Variants in SCEL observed in about 807,000 individuals in gnomAD.
SCEL encodes sciellin.
In SCEL, 113 loss-of-function variants were observed where a neutral mutation model predicts 117.6. The ratio of observed to expected loss-of-function variants is 0.96; its 90% CI spans 0.83 to 1.12. The LOEUF (loss-of-function observed/expected upper bound fraction) is 1.12, where lower values mean the gene tolerates loss of function less well. Ranked by LOEUF, SCEL falls within the 50% of genes most tolerant of loss-of-function variation. The probability of loss-of-function intolerance (pLI) is 0.00; values close to 1 mark genes in which losing one functional copy is unlikely to be tolerated. For missense variants in SCEL, 785 were observed against 810.8 expected (o/e 0.97, Z 0.39); for synonymous variants, 270 against 256.2 (o/e 1.05, Z -0.51).
At chr13:77,599,819 C>T (rs2154401296) in intron 15 of SCEL, 71 bp downstream of exon 15, 1 of 1,066,862 alleles carries the variant, frequency 9.4e-7, no homozygotes, top group South Asian at 1.3e-5. Context: ...AGGAGACCTC[C>T]TGCTTAGTAC....
At chr13:77,552,404 G>T (rs972678127) in intron 1 of SCEL, among the ~76,000 whole-genome samples, 13 of 151,852 alleles carry the variant, frequency 8.6e-5, no homozygotes, top group Non-Finnish European at 1.5e-5. Flanking sequence ...GTGTGAGATG[G>T]TATCTCATTG....
intron 12 of SCEL, among the ~76,000 whole-genome samples, chr13:77,596,352 C>T (rs984712673): frequency 1.7e-4 from 26 of 151,696 alleles, no homozygotes; most frequent in Non-Finnish European, 1.0e-4. Context: ...AAAAGTATAG[C>T]AAGCATTTAT....
intron 27 of SCEL, among the ~76,000 whole-genome samples, chr13:77,621,919 A>C (rs1037365731): frequency 6.6e-6 from 1 of 152,218 alleles, no homozygotes; most frequent in Non-Finnish European, 1.5e-5. Flanking sequence ...TATTTTTAAA[A>C]TACCCAAATT....
intron 3 of SCEL, among the ~76,000 whole-genome samples, chr13:77,558,685 G>A (rs1235456451): frequency 2.0e-5 from 3 of 151,656 alleles, no homozygotes; most frequent in African/African-American, 4.9e-5. Context: ...GCGTGTTGGC[G>A]GGCACCTATA....
In SCEL at chr13:77,610,092, C is replaced by T; in HGVS notation, c.1323C>T (p.Asn441=). 2 of 1,608,718 alleles carry T rather than the reference C, an allele frequency of 1.2e-6. No homozygotes were observed. Among genetic ancestry groups the T allele is most frequent in the South Asian group, 2.2e-5 (2 of 90,400 alleles). ...TCATTAAAGTGACTCCTGAAAGAAACAGAACTAACCAAGGGTAAGGTTTAT... is the reference window on the plus strand; with the variant it reads ...TCATTAAAGTGACTCCTGAAAGAAATAGAACTAACCAAGGGTAAGGTTTAT... The part of the protein sequence containing the change: ...DSLIKVTPER[N]RTNQGNQDLE... The change falls in exon 22 of 33, where the codon AAC becomes AAT. Residue 441 remains asparagine, a synonymous_variant. Coordinates refer to ENST00000349847, the MANE Select transcript of SCEL (RefSeq NM_144777.3).
At chr13:77,581,184 G>T (rs1022574309) in intron 9 of SCEL, among the ~76,000 whole-genome samples, 1 of 152,020 alleles carries the variant, frequency 6.6e-6, no homozygotes, top group Admixed American at 6.6e-5. Context: ...TCTATGACAC[G>T]CAATAAAATA....
At chr13:77,642,910 T>C in intron 32 of SCEL, 102 bp downstream of exon 32, 1 of 562,634 alleles carries the variant, frequency 1.8e-6, no homozygotes, top group South Asian at 3.3e-5. Context: ...ATTTTACTAG[T>C]TATATTTAGT....
chr13:77,557,417 A>G (rs1167392519), intron 3 of SCEL, among the ~76,000 whole-genome samples: 1 of 152,236 alleles, frequency 6.6e-6, no homozygotes, highest in Non-Finnish European at 1.5e-5. Context: ...TTATGTAGAC[A>G]TTTTATGATT....
chr13:77,599,397 A>T lies in SCEL; in HGVS notation c.857+9A>T. 6.2e-7 allele frequency: 1 copy of T among 1,607,286 alleles called. No homozygotes were observed. The highest frequency in any genetic ancestry group is 8.5e-7 in the Non-Finnish European group (1 of 1,174,654). On this transcript the variant is annotated intron_variant, in intron 14 of 32. Coordinates refer to ENST00000349847, the MANE Select transcript of SCEL (RefSeq NM_144777.3). Reference sequence around the variant, plus strand: ...GAAGAAAGAGAGAAAAGGTAAGTGCATCTGTCTCAAATATGAAAATCTTAC... The same window carrying T: ...GAAGAAAGAGAGAAAAGGTAAGTGCTTCTGTCTCAAATATGAAAATCTTAC...
At chr13:77,586,009 T>G (rs960266334) in intron 9 of SCEL, among the ~76,000 whole-genome samples, 1 of 152,082 alleles carries the variant, frequency 6.6e-6, no homozygotes, top group African/African-American at 2.4e-5. Flanking sequence ...TAATTTTAAC[T>G]CCCTCCTCCC....
chr13:77,538,268 C>T (rs2083516345), intron 1 of SCEL, among the ~76,000 whole-genome samples: 1 of 152,032 alleles, frequency 6.6e-6, no homozygotes, highest in African/African-American at 2.4e-5. Flanking sequence ...ACGTGTGCAC[C>T]ACCACACCCG....
At position 77,590,948 on chromosome 13, in the gene SCEL, G is replaced by A. The variant is rs577931580; in HGVS notation, c.627-447G>A. On this transcript the variant is annotated intron_variant, in intron 10 of 32. Coordinates refer to ENST00000349847, the MANE Select transcript of SCEL (RefSeq NM_144777.3). ...TATGGTCATTCCCAATGTAGTAGGT[G>A]TACTTGAAACATAGACTCTTCTTCC... Among the ~76,000 whole-genome samples, 15 of 152,162 alleles carry A rather than the reference G, an allele frequency of 9.9e-5. No homozygotes were observed. The South Asian group carries it at 3.1e-3, about 32-fold the overall frequency.
intron 1 of SCEL, among the ~76,000 whole-genome samples, chr13:77,555,642 A>G (rs2084612464): frequency 1.3e-5 from 2 of 152,210 alleles, no homozygotes; most frequent in Non-Finnish European, 2.9e-5. Context: ...TGGAATCACA[A>G]AACTCCCTGT....
At chr13:77,580,283 T>G (rs145453959) in intron 9 of SCEL, among the ~76,000 whole-genome samples, 2 of 152,338 alleles carry the variant, frequency 1.3e-5, no homozygotes, top group East Asian at 3.9e-4. Flanking sequence ...TTTTATGATC[T>G]GCCCGAAAGC....
At chr13:77,624,787 A>G (rs2089642395) in intron 27 of SCEL, among the ~76,000 whole-genome samples, 1 of 152,216 alleles carries the variant, frequency 6.6e-6, no homozygotes, top group Non-Finnish European at 1.5e-5. Context: ...CTATGTCCCT[A>G]GATATAGACA....
chr13:77,571,576 C>T (rs749790986), intron 8 of SCEL, among the ~76,000 whole-genome samples: 24 of 151,388 alleles, frequency 1.6e-4, no homozygotes, highest in Non-Finnish European at 2.8e-4. Flanking sequence ...GTAATCCCAG[C>T]TACTCAGGAG....
rs148832550 is a variant in SCEL, at chr13:77,580,472, T to C, written c.545+8283T>C. Among the ~76,000 whole-genome samples the C allele has an allele frequency of 5.4e-3, 817 of 152,296 alleles. 3 individuals carry two copies. The highest frequency in any genetic ancestry group is 8.8e-3 in the Non-Finnish European group (598 of 68,006). On this transcript the variant is annotated intron_variant, in intron 9 of 32. Transcript: ENST00000349847. ...GGTGCATCACAAGGAACTAGAGAAA[T>C]AACAGTTCTGGAAAGTTGAATTTCT...
At position 77,616,742 on chromosome 13, in the gene SCEL, C is replaced by CTT. The variant is rs35205050; in HGVS notation, c.1452-841_1452-840dup. Among the ~76,000 whole-genome samples, 12 of 133,582 alleles carry CTT rather than the reference C, an allele frequency of 9.0e-5. No individual in the cohort carries two copies. In the South Asian group the frequency reaches 2.7e-3, roughly 30 times the overall value. The allele number at this position is 133,582 out of a possible 152,430, so 87.6% of individuals were successfully genotyped here. A position where few individuals can be genotyped will look rare whatever the true frequency, so the allele number is the denominator to read the frequency against. On this transcript the variant is annotated intron_variant, in intron 24 of 32. Coordinates refer to ENST00000349847, the MANE Select transcript of SCEL (RefSeq NM_144777.3). The stretch of plus-strand genomic sequence containing the variant: ...CTCTTTTGGTCCCTAAACTTGCATC[C>CTT]TTTTTTTTTTTTTTTTTGAGGAATA...
chr13:77,625,152 TC>T (rs1457479100), intron 27 of SCEL, among the ~76,000 whole-genome samples: 1 of 152,144 alleles, frequency 6.6e-6, no homozygotes, highest in Non-Finnish European at 1.5e-5. Context: ...CTGCCCACCA[TC>T]CCAGTTTGAC....
Sources: allele counts gnomAD v4.1 joint callset (sites outside exome capture counted in the v4.1 genomes callset), GRCh38; gene constraint gnomAD v4.1.1; transcripts MANE v1.5; gene names NCBI Gene and HGNC (gene_info 2026-07-23, HGNC 2026-07-21).